DOCK1: variants seen among roughly 807,000 people sequenced by gnomAD.
DOCK1 encodes the protein dedicator of cytokinesis 1.
A neutral mutation model predicts 262.7 loss-of-function variants in DOCK1; 138 were observed. That is an observed-to-expected ratio of 0.53 (90% CI 0.46 to 0.61). The LOEUF is 0.61. Among genes scored for constraint, DOCK1 ranks in the 20% least tolerant of loss-of-function variants. The pLI, the probability that DOCK1 is intolerant of heterozygous loss-of-function variation, is 0.00. For synonymous variants in DOCK1, 866 were observed against 867.4 expected, an observed-to-expected ratio of 1.00 and a Z score of 0.03; for missense variants, 1,908 against 2,370.7, an observed-to-expected ratio of 0.80 and a Z score of 4.05.
At chr10:127,428,411 G>A (rs2068958389) in intron 47 of DOCK1, among the ~76,000 whole-genome samples, 1 of 151,730 alleles carries the variant, frequency 6.6e-6, no homozygotes, top group African/African-American at 2.4e-5. Flanking sequence ...TGTGGATTGG[G>A]GTGCCGTGTG....
Position 127,335,284 on chromosome 10 carries a change from G to T in DOCK1, c.3045-3722G>T, listed in dbSNP as rs113995857. ...AGCAGTGTCCAGCACAGATAGAGTT[G>T]TCAGGATGCAGAGTCAGGCGCATTC... On this transcript the variant is annotated intron_variant, in intron 29 of 51. Coordinates refer to ENST00000623213, the MANE Select transcript of DOCK1 (RefSeq NM_001290223.2). 3.1e-3 allele frequency among the ~76,000 whole-genome samples: 475 copies of T among 152,228 alleles called. 1 individual carries two copies. The highest frequency in any genetic ancestry group is 0.01 in the Middle Eastern group (3 of 294).
At position 127,026,069 on chromosome 10, in the gene DOCK1, A is replaced by AAAAAAAAAG. The variant is rs1256628730; in HGVS notation, c.1552-280_1552-279insAAAAAGAAA. 850 of 310,290 alleles carry AAAAAAAAAG rather than the reference A, an allele frequency of 2.7e-3. 14 individuals are homozygous for AAAAAAAAAG. Among genetic ancestry groups the AAAAAAAAAG allele is most frequent in the African/African-American group, 0.017 (739 of 43,452 alleles). 19.2% of individuals were successfully genotyped at this position (310,290 alleles called of 1,614,324 possible). ...AGCGAAACTCTGTATCAAAAAAAAAAAAAGAAAGAAAAAAGAATCTTAACA... is the reference window on the plus strand; with the variant it reads ...AGCGAAACTCTGTATCAAAAAAAAAAAAAAAAAAGAAAGAAAGAAAAAAGAATCTTAACA... On this transcript the variant is annotated intron_variant, in intron 15 of 51. Coordinates refer to ENST00000623213, the MANE Select transcript of DOCK1 (RefSeq NM_001290223.2).
In DOCK1 at chr10:127,444,157, G is replaced by A. The variant is rs1191730858; in HGVS notation, c.5291G>A (p.Ser1764Asn). 1.9e-6 allele frequency: 3 copies of A among 1,584,724 alleles called. No individual in the cohort carries two copies. Among genetic ancestry groups the A allele is most frequent in the East Asian group, 2.4e-5 (1 of 42,396 alleles). Residue 1764 changes from serine (S) to asparagine (N), a missense_variant, in exon 50 of 52, where the codon AGC (serine) becomes AAC (asparagine). Around this residue, in one of 9 missense-constraint regions of DOCK1, gnomAD observed 383 missense variants for 420.1 expected, o/e 0.91. Coordinates refer to ENST00000623213, the MANE Select transcript of DOCK1 (RefSeq NM_001290223.2). ...CCCCTGCGGCCCCAGAGACCGAAGA[G>A]CCAGGTGATGAACGTCATTGGAAGC... ...ISPLRPQRPK[S>N]QVMNVIGSER... is the part of the protein sequence containing the mutation.
intron 29 of DOCK1, among the ~76,000 whole-genome samples, chr10:127,311,679 A>G (rs990000419): frequency 6.6e-6 from 1 of 152,050 alleles, no homozygotes; most frequent in Non-Finnish European, 1.5e-5. Context: ...CGTCCTTTAC[A>G]TAACTGTTGT....
intron 27 of DOCK1, among the ~76,000 whole-genome samples, chr10:127,143,022 C>G (rs1014178943): frequency 6.6e-6 from 1 of 152,188 alleles, no homozygotes; most frequent in African/African-American, 2.4e-5. Flanking sequence ...TAACACTTCT[C>G]CCCGCTGCCG....
In DOCK1 at chr10:127,138,096, T is replaced by A. The variant is rs745595131; in HGVS notation, c.2847+10332T>A. ...AGATCCCTCTTAGTGTCAGCAAGAT[T>A]TGGGCATGATCAGTGTGTGTTTGTA... On this transcript the variant is annotated intron_variant, in intron 27 of 51. Coordinates refer to ENST00000623213, the MANE Select transcript of DOCK1 (RefSeq NM_001290223.2). 332 of 1,305,550 alleles carry A rather than the reference T, an allele frequency of 2.5e-4. 4 individuals carry two copies. Among genetic ancestry groups the A allele is most frequent in the South Asian group, 2.2e-3 (155 of 69,186 alleles). 80.9% of individuals were successfully genotyped at this position (1,305,550 alleles called of 1,614,324 possible). A position where few individuals can be genotyped will look rare whatever the true frequency, so the allele number is the denominator to read the frequency against.
chr10:127,262,028 GCA>G (rs1491078305), intron 29 of DOCK1, among the ~76,000 whole-genome samples: 7 of 105,092 alleles, frequency 6.7e-5, no homozygotes, highest in Admixed American at 9.8e-5. Context: ...GCATGTGTGT[GCA>G]TGTGTGTGTG....
chr10:127,141,368 C>T (rs532090992), intron 27 of DOCK1, among the ~76,000 whole-genome samples: 17 of 152,224 alleles, frequency 1.1e-4, no homozygotes, highest in South Asian at 4.2e-4. Flanking sequence ...CAGTTGCCTA[C>T]GTAATATTGC....
At chr10:127,368,960 A>G (rs1166792112) in intron 33 of DOCK1, among the ~76,000 whole-genome samples, 2 of 152,242 alleles carry the variant, frequency 1.3e-5, no homozygotes, top group African/African-American at 4.8e-5. Flanking sequence ...AGCAAAAATA[A>G]TATTTTCAAT....
At position 127,415,294 on chromosome 10, in the gene DOCK1, G is replaced by GTTTTCATGGTAAGGATGGC; in HGVS notation, c.4515+56_4515+57insTTTTCATGGTAAGGATGGC. On this transcript the variant is annotated intron_variant, in intron 44 of 51. Transcript: ENST00000623213. ...TCCGTTCCCTTCCTCAATACAGTCT[G>GTTTTCATGGTAAGGATGGC]CCACGCCTTCTTCACCTGCTCATGC... is the stretch of plus-strand genomic sequence containing the variant. The GTTTTCATGGTAAGGATGGC allele has an allele frequency of 3.9e-6, 6 of 1,547,410 alleles. No homozygotes were observed. The South Asian group carries it at 5.9e-5, about 15-fold the overall frequency.
At chr10:127,101,028 G>A (rs543819868) in intron 23 of DOCK1, among the ~76,000 whole-genome samples, 1 of 152,210 alleles carries the variant, frequency 6.6e-6, no homozygotes, top group African/African-American at 2.4e-5. Context: ...GAGAGAGAGA[G>A]GACAAAGGGC....
intron 20 of DOCK1, 77 bp downstream of exon 20, chr10:127,042,791 G>C (rs914214955): frequency 6.8e-7 from 1 of 1,471,736 alleles, no homozygotes; most frequent in South Asian, 1.1e-5. Context: ...CTGGAGTCGG[G>C]GGCTTCGTCA....
intron 5 of DOCK1, among the ~76,000 whole-genome samples, chr10:126,989,431 A>G (rs2039643217): frequency 2.0e-5 from 3 of 152,226 alleles, no homozygotes; most frequent in East Asian, 1.9e-4. Flanking sequence ...GGCTCAAGCA[A>G]TGCTCCCACC....
intron 29 of DOCK1, among the ~76,000 whole-genome samples, chr10:127,290,797 T>C (rs780359709): frequency 1.3e-5 from 2 of 152,226 alleles, no homozygotes; most frequent in Non-Finnish European, 2.9e-5. Flanking sequence ...TCCCATAATA[T>C]GGATATAGCA....
chr10:127,157,951 T>G (rs943977377), intron 27 of DOCK1, among the ~76,000 whole-genome samples: 20 of 152,206 alleles, frequency 1.3e-4, no homozygotes, highest in Admixed American at 7.2e-4. Flanking sequence ...CTGCTAAAAT[T>G]TTATTAAGCA....
At chr10:127,028,384 G>A (rs934601936) in intron 16 of DOCK1, among the ~76,000 whole-genome samples, 1 of 152,160 alleles carries the variant, frequency 6.6e-6, no homozygotes, top group African/African-American at 2.4e-5. Flanking sequence ...CTCTTATCAT[G>A]TGCCCGACAC....
intron 38 of DOCK1, chr10:127,402,743 C>T (rs754755299): frequency 1.1e-5 from 6 of 553,244 alleles, no homozygotes; most frequent in Admixed American, 3.8e-5. Flanking sequence ...AGACGGGCTT[C>T]GGGCCACAGC....
At position 126,949,238 on chromosome 10, in the gene DOCK1, C is replaced by G. The variant is rs1012221739; in HGVS notation, c.47-21464C>G. On this transcript the variant is annotated intron_variant, in intron 1 of 51. Coordinates refer to ENST00000623213, the MANE Select transcript of DOCK1 (RefSeq NM_001290223.2). Reference sequence around the variant, plus strand: ...GGACATGGGGTTAACACACCCAGCTCCTGCTCTCCTGCAGCCCTCTCCCTG... The same window carrying G: ...GGACATGGGGTTAACACACCCAGCTGCTGCTCTCCTGCAGCCCTCTCCCTG... 1.4e-4 allele frequency among the ~76,000 whole-genome samples: 22 copies of G among 152,230 alleles called. 1 individual carries two copies. In the East Asian group the frequency reaches 3.1e-3, roughly 21 times the overall value.
At position 127,175,349 on chromosome 10, in the gene DOCK1, G is replaced by A. The variant is rs184333971; in HGVS notation, c.2847+47585G>A. 9.4e-5 allele frequency: 152 copies of A among 1,614,106 alleles called. No individual in the cohort carries two copies. The highest frequency in any genetic ancestry group is 4.0e-5 in the African/African-American group (3 of 75,040). On this transcript the variant is annotated intron_variant, in intron 27 of 51. Coordinates refer to ENST00000623213, the MANE Select transcript of DOCK1 (RefSeq NM_001290223.2). This position sits in a 1 kb window ranked among gnomAD's most constrained non-coding sequence, Gnocchi z 6.3. ...GGTCGACCACTTCCGTATGAGGCAC[G>A]ATTCGTTGGCATTCTTCACCTGCAG... is the stretch of plus-strand genomic sequence containing the variant.
Sources: allele counts gnomAD v4.1 joint callset (sites outside exome capture counted in the v4.1 genomes callset), GRCh38; gene constraint gnomAD v4.1.1; regional missense constraint gnomAD v4.1.1; non-coding constraint Gnocchi (gnomAD v3.1); transcripts MANE v1.5; gene names NCBI Gene and HGNC (gene_info 2026-07-23, HGNC 2026-07-21).